Variants in FGF14 observed in about 807,000 individuals in gnomAD.
FGF14 encodes the protein fibroblast growth factor 14, also known as fibroblast growth factor homologous factor 4.
Under a neutral mutation model 25.5 loss-of-function variants are expected in FGF14, and 5 were observed. The ratio of observed to expected loss-of-function variants is 0.20; its 90% CI spans 0.10 to 0.41. The LOEUF (loss-of-function observed/expected upper bound fraction) is 0.41. Ranked by LOEUF, FGF14 falls within the 10% of genes least tolerant of loss-of-function variation. The pLI is 1.00. For synonymous variants in FGF14, 138 were observed against 118.3 expected, an observed-to-expected ratio of 1.17 and a Z score of -1.08; for missense variants, 222 against 320.1, an observed-to-expected ratio of 0.69 and a Z score of 2.34.
intron 3 of FGF14, among the ~76,000 whole-genome samples, chr13:101,850,515 GAATTATATATT>G (rs1412653450): frequency 0.82 from 31,725 of 38,502 alleles, 12,710 homozygotes; most frequent in South Asian, 0.9. Flanking sequence ...TATATATATA[GAATTATATATT>G]CTATATATAT....
chr13:101,881,747 A>C (rs2045722551), intron 1 of FGF14, among the ~76,000 whole-genome samples: 1 of 152,184 alleles, frequency 6.6e-6, no homozygotes, highest in Non-Finnish European at 1.5e-5. Flanking sequence ...CCAGCAAAGA[A>C]GCTGTATGCT....
At chr13:102,091,682 G>A (rs74108976) in intron 1 of FGF14, among the ~76,000 whole-genome samples, 6,787 of 152,172 alleles carry the variant, frequency 0.045, 332 homozygotes, top group African/African-American at 0.11. Flanking sequence ...CTGAGTTTGA[G>A]TTTCACTAGA....
intron 1 of FGF14, among the ~76,000 whole-genome samples, chr13:102,377,752 G>A (rs1040786074): frequency 1.3e-5 from 2 of 152,214 alleles, no homozygotes; most frequent in African/African-American, 4.8e-5. Flanking sequence ...AGGTTGCAGT[G>A]AGCTGAAATC....
chr13:102,344,370 G>A (rs77856551), intron 1 of FGF14, among the ~76,000 whole-genome samples: 1 of 152,164 alleles, frequency 6.6e-6, no homozygotes. Flanking sequence ...ATTATAATAC[G>A]TGTTGCTTCT....
At chr13:102,314,014 G>A (rs773794167) in intron 1 of FGF14, among the ~76,000 whole-genome samples, 8 of 152,100 alleles carry the variant, frequency 5.3e-5, no homozygotes, top group Non-Finnish European at 1.2e-4. Flanking sequence ...GCACACAGAC[G>A]ACCAAGATGT....
chr13:101,857,107 A>G (rs890213422), intron 3 of FGF14, among the ~76,000 whole-genome samples: 2 of 151,976 alleles, frequency 1.3e-5, no homozygotes, highest in Non-Finnish European at 2.9e-5. Context: ...CATGGAATAA[A>G]CCAATATTCA....
intron 1 of FGF14, among the ~76,000 whole-genome samples, chr13:101,976,442 A>G (rs2037931045): frequency 6.6e-6 from 1 of 152,122 alleles, no homozygotes; most frequent in South Asian, 2.1e-4. Flanking sequence ...GTGTGCTCCT[A>G]TTGGGTGCTG....
chr13:102,000,589 T>G (rs1468606621), intron 1 of FGF14, among the ~76,000 whole-genome samples: 1 of 152,214 alleles, frequency 6.6e-6, no homozygotes, highest in African/African-American at 2.4e-5. Context: ...AAAAAAGGTA[T>G]CTGAATAGCA....
intron 1 of FGF14, among the ~76,000 whole-genome samples, chr13:102,161,697 GAAGAA>G (rs2047769469): frequency 8.5e-6 from 1 of 117,398 alleles, no homozygotes; most frequent in Non-Finnish European, 1.9e-5. Flanking sequence ...AGAAGAAGAA[GAAGAA>G]GAAGAAGAAG....
intron 3 of FGF14, among the ~76,000 whole-genome samples, chr13:101,812,583 A>C (rs1232253631): frequency 7.2e-6 from 1 of 138,228 alleles, no homozygotes; most frequent in Admixed American, 7.5e-5. Context: ...AAAAGCACAT[A>C]TATCACTATT....
intron 1 of FGF14, among the ~76,000 whole-genome samples, chr13:101,928,453 AG>A (rs2034523474): frequency 6.6e-6 from 1 of 151,908 alleles, no homozygotes; most frequent in Non-Finnish European, 1.5e-5. Flanking sequence ...CAACAGGGAA[AG>A]TCACTGAGCA....
chr13:102,129,703 G>A (rs564762273), intron 1 of FGF14, among the ~76,000 whole-genome samples: 18 of 152,168 alleles, frequency 1.2e-4, no homozygotes, highest in Admixed American at 6.5e-4. Flanking sequence ...GGGGGTAGGG[G>A]GGAGGGATAG....
At chr13:102,399,129 A>G (rs77489630) in intron 1 of FGF14, among the ~76,000 whole-genome samples, 36 of 152,062 alleles carry the variant, frequency 2.4e-4, no homozygotes, top group African/African-American at 7.5e-4. Context: ...GGGGGGAAAA[A>G]CTATTCCAGA....
intron 1 of FGF14, among the ~76,000 whole-genome samples, chr13:102,230,934 T>C (rs1267198115): frequency 2.0e-5 from 3 of 152,212 alleles, no homozygotes; most frequent in Non-Finnish European, 4.4e-5. Flanking sequence ...ATTCACCTGG[T>C]AAAGAAACGA....
intron 1 of FGF14, among the ~76,000 whole-genome samples, chr13:102,073,074 T>A (rs1256919409): frequency 6.6e-6 from 1 of 152,096 alleles, no homozygotes; most frequent in Non-Finnish European, 1.5e-5. Flanking sequence ...AAACCCCATC[T>A]CTAATAAAAA....
At chr13:102,397,123 TA>T (rs2058603612) in intron 1 of FGF14, among the ~76,000 whole-genome samples, 2 of 152,208 alleles carry the variant, frequency 1.3e-5, no homozygotes, top group African/African-American at 4.8e-5. Flanking sequence ...GATGAGTCGG[TA>T]GGCTGAGAAG....
At chr13:102,111,900 C>A (rs2045248037) in intron 1 of FGF14, among the ~76,000 whole-genome samples, 1 of 152,084 alleles carries the variant, frequency 6.6e-6, no homozygotes. Flanking sequence ...CTGTGACATG[C>A]AAGAACTGAA....
chr13:102,160,533 A>G (rs1357579885), intron 1 of FGF14, among the ~76,000 whole-genome samples: 2 of 152,028 alleles, frequency 1.3e-5, no homozygotes, highest in Non-Finnish European at 2.9e-5. Context: ...TCTTAGCCTT[A>G]TCTGATGTCC....
intron 1 of FGF14, among the ~76,000 whole-genome samples, chr13:102,200,230 T>G (rs1000806603): frequency 6.6e-5 from 10 of 152,208 alleles, no homozygotes; most frequent in African/African-American, 2.4e-4. Flanking sequence ...CCTTGTTATA[T>G]TTATGCATGA....
Sources: allele counts gnomAD v4.1 joint callset (sites outside exome capture counted in the v4.1 genomes callset), GRCh38; gene constraint gnomAD v4.1.1; transcripts MANE v1.5; gene names NCBI Gene and HGNC (gene_info 2026-07-23, HGNC 2026-07-21).